Variants in SKP2 observed in about 807,000 individuals in gnomAD.
SKP2 encodes S-phase kinase associated protein 2, also known as S-phase kinase-associated protein 2.
A neutral mutation model predicts 51.8 loss-of-function variants in SKP2; 16 were observed. The ratio of observed to expected loss-of-function variants is 0.31; its 90% CI spans 0.21 to 0.47. The LOEUF is 0.47. SKP2 is among the 20% of genes least tolerant of loss of function. The probability of loss-of-function intolerance (pLI) is 1.00; values close to 1 mark genes in which losing one functional copy is unlikely to be tolerated. For missense variants in SKP2, 377 were observed against 505.3 expected (o/e 0.75, Z 2.43); for synonymous variants, 176 against 198.6 (o/e 0.89, Z 0.96).
Position 36,182,728 on chromosome 5 carries a change from G to A in SKP2, c.*697G>A, listed in dbSNP as rs1238792440. The A allele has an allele frequency of 2.0e-6, 2 of 980,530 alleles. No individual in the cohort carries two copies. Among genetic ancestry groups the A allele is most frequent in the Non-Finnish European group, 2.4e-6 (2 of 825,614 alleles). The allele number at this position is 980,530 out of a possible 1,614,324, so 60.7% of individuals were successfully genotyped here. A position where few individuals can be genotyped will look rare whatever the true frequency, so the allele number is the denominator to read the frequency against. ...ATGACAGGTTAATCTGAAGTATCCT[G>A]TAATGTTCATTAAGTTACTGTGTTT... On this transcript the variant is annotated 3_prime_UTR_variant, in exon 10 of 10. Transcript: ENST00000274255.
At chr5:36,177,817 G>A (rs571704252) in intron 9 of SKP2, among the ~76,000 whole-genome samples, 2 of 152,094 alleles carry the variant, frequency 1.3e-5, no homozygotes, top group Non-Finnish European at 2.9e-5. Flanking sequence ...ACAGGGGCAT[G>A]TTAAGGTCTA....
At chr5:36,168,564 G>A in intron 5 of SKP2, 117 bp downstream of exon 5, 4 of 962,554 alleles carry the variant, frequency 4.2e-6, no homozygotes, top group Non-Finnish European at 6.4e-6. Context: ...AAAATATCTA[G>A]TGCAGTGCTC....
At chr5:36,156,470 A>T (rs945971997) in intron 2 of SKP2, among the ~76,000 whole-genome samples, 2 of 152,188 alleles carry the variant, frequency 1.3e-5, no homozygotes, top group African/African-American at 2.4e-5. Flanking sequence ...ACATCTGGCA[A>T]CTAAATCCTC....
chr5:36,152,343 C>A, intron 1 of SKP2, 73 bp downstream of exon 1: 1 of 1,358,814 alleles, frequency 7.4e-7, no homozygotes, highest in Non-Finnish European at 1.1e-6. Flanking sequence ...GCGAATATCG[C>A]TACTGGCTAA....
chr5:36,171,752 G>A lies in SKP2; in HGVS notation c.901+19G>A, dbSNP rs1745483627. 6.2e-7 allele frequency: 1 copy of A among 1,611,760 alleles called. No homozygotes were observed. Among genetic ancestry groups the A allele is most frequent in the Admixed American group, 1.7e-5 (1 of 59,942 alleles). Reference sequence around the variant, plus strand: ...AAATCAGGTTAGAGCTTCCAAGCCTGGACCACTGAGGCCTTCACAACATAA... The same window carrying A: ...AAATCAGGTTAGAGCTTCCAAGCCTAGACCACTGAGGCCTTCACAACATAA... On this transcript the variant is annotated intron_variant, in intron 7 of 9. Coordinates refer to ENST00000274255, the MANE Select transcript of SKP2 (RefSeq NM_005983.4).
chr5:36,174,106 C>T (rs1745557419), intron 7 of SKP2, among the ~76,000 whole-genome samples: 2 of 152,142 alleles, frequency 1.3e-5, no homozygotes, highest in African/African-American at 4.8e-5. Flanking sequence ...TCCCCCACTA[C>T]CCCCATCACT....
At chr5:36,177,678 T>C (rs1048333329) in intron 9 of SKP2, among the ~76,000 whole-genome samples, 1 of 152,038 alleles carries the variant, frequency 6.6e-6, no homozygotes, top group African/African-American at 2.4e-5. Flanking sequence ...TTAACTCCAG[T>C]TGATTCCAAA....
At chr5:36,192,615 G>A (rs988508747) in intron 6 of SKP2, 1 of 152,108 alleles carries the variant, frequency 6.6e-6, no homozygotes, top group African/African-American at 2.4e-5. Flanking sequence ...ATGATTTAAT[G>A]TACAGGGGCC....
chr5:36,170,419 G>A lies in SKP2; in HGVS notation c.747G>A (p.Gln249=). 6.2e-7 allele frequency: 1 copy of A among 1,611,408 alleles called. No homozygotes were observed. Among genetic ancestry groups the A allele is most frequent in the Non-Finnish European group, 8.5e-7 (1 of 1,177,964 alleles). ...CTGGATTCTCTGAATTTGCCCTGCA[G>A]ACTTTGCTAAGCAGCTGTTCCAGGT... ...GCSGFSEFAL[Q]TLLSSCSRLD... is the part of the protein sequence containing the mutation. The change falls in exon 6 of 10, where the codon CAG becomes CAA. Residue 249 remains glutamine, a synonymous_variant. Coordinates refer to ENST00000274255, the MANE Select transcript of SKP2 (RefSeq NM_005983.4).
chr5:36,187,806 T>C (rs911104433), downstream of SKP2, among the ~76,000 whole-genome samples: 2 of 152,138 alleles, frequency 1.3e-5, no homozygotes, highest in Non-Finnish European at 1.5e-5. Flanking sequence ...CTTTCTGTCT[T>C]GTTGATCTGT....
At position 36,179,207 on chromosome 5, in the gene SKP2, G is replaced by A. The variant is rs144349527; in HGVS notation, c.1061+1915G>A. ...ATTGTGAATCCTTTAGGATGAGTTT[G>A]TTGGTACCTTATGCTTAAAAGTTTC... On this transcript the variant is annotated intron_variant, in intron 9 of 9. Transcript: ENST00000274255. 3.6e-3 allele frequency among the ~76,000 whole-genome samples: 541 copies of A among 152,196 alleles called. 4 individuals are homozygous for A. The highest frequency in any genetic ancestry group is 0.012 in the African/African-American group (519 of 41,530).
exon 7 of SKP2, chr5:36,192,631 T>G (rs1414962348): frequency 6.6e-6 from 1 of 152,174 alleles, no homozygotes; most frequent in Non-Finnish European, 1.5e-5. Context: ...GGGCCATGAA[T>G]GTAAATGCAC....
At chr5:36,162,063 G>A (rs10070454) in intron 2 of SKP2, among the ~76,000 whole-genome samples, 4 of 152,268 alleles carry the variant, frequency 2.6e-5, no homozygotes, top group East Asian at 1.9e-4. Context: ...AGAAAACTGC[G>A]CTTCCTGCAT....
chr5:36,168,554 A>G, intron 5 of SKP2, 107 bp downstream of exon 5: 1 of 1,066,638 alleles, frequency 9.4e-7, no homozygotes, highest in South Asian at 1.4e-5. Flanking sequence ...GTGGATACAG[A>G]AAATATCTAG....
chr5:36,152,328 AG>A, intron 1 of SKP2, 58 bp downstream of exon 1: 1 of 1,512,730 alleles, frequency 6.6e-7, no homozygotes, highest in Non-Finnish European at 9.2e-7. Flanking sequence ...TAATTCTTTT[AG>A]GCCGCGAATA....
downstream of SKP2, among the ~76,000 whole-genome samples, chr5:36,187,463 C>CT (rs200820451): frequency 0.12 from 18,742 of 152,150 alleles, 3,011 homozygotes; most frequent in African/African-American, 0.37. Flanking sequence ...CAAAGAACAT[C>CT]TTTATTTCTG....
At chr5:36,162,125 G>T (rs986806274) in intron 2 of SKP2, among the ~76,000 whole-genome samples, 5 of 152,054 alleles carry the variant, frequency 3.3e-5, no homozygotes, top group Non-Finnish European at 5.9e-5. Context: ...TTGAACTTAC[G>T]TGAGGGCCTG....
chr5:36,190,259 G>A (rs879699417), intron 6 of SKP2, among the ~76,000 whole-genome samples: 12 of 151,908 alleles, frequency 7.9e-5, no homozygotes, highest in Admixed American at 2.6e-4. Context: ...CCAGTGAGAC[G>A]AACCCGGTAC....
Position 36,183,761 on chromosome 5 carries a change from G to A in SKP2, c.*1730G>A. On this transcript the variant is annotated 3_prime_UTR_variant, in exon 10 of 10. Transcript: ENST00000274255. ...AGACCTAAGGAAGATTTTAAAGTTG[G>A]GTTGCACAGGAAATGATGATGCTTC... 6.9e-7 allele frequency: 1 copy of A among 1,459,190 alleles called. No homozygotes were observed. Among genetic ancestry groups the A allele is most frequent in the Non-Finnish European group, 9.0e-7 (1 of 1,108,250 alleles). 90.4% of individuals were successfully genotyped at this position (1,459,190 alleles called of 1,614,324 possible).
Sources: gnomAD v4.1 joint callset for allele counts (sites outside exome capture counted in the v4.1 genomes callset) on GRCh38, gnomAD v4.1.1 for gene constraint, MANE v1.5 for transcripts, NCBI Gene and HGNC (gene_info 2026-07-23, HGNC 2026-07-21) for gene names.